Variants in LMX1A observed in about 807,000 individuals in gnomAD.
The protein encoded by LMX1A is LIM homeobox transcription factor 1 alpha.
Under a neutral mutation model 49.1 loss-of-function variants are expected in LMX1A, and 15 were observed. The observed-to-expected ratio is 0.31, with a 90% CI of 0.20 to 0.47. The LOEUF is 0.47. Among genes scored for constraint, LMX1A ranks in the 20% least tolerant of loss-of-function variants. The probability of loss-of-function intolerance (pLI) is 1.00; values close to 1 mark genes in which losing one functional copy is unlikely to be tolerated. For synonymous variants in LMX1A, 167 were observed against 185.7 expected, an observed-to-expected ratio of 0.90 and a Z score of 0.82; for missense variants, 372 against 475.8, an observed-to-expected ratio of 0.78 and a Z score of 2.03.
At chr1:165,307,899 T>C (rs1250423465) in intron 3 of LMX1A, among the ~76,000 whole-genome samples, 1 of 152,210 alleles carries the variant, frequency 6.6e-6, no homozygotes, top group Non-Finnish European at 1.5e-5. Context: ...ATTTTAACTT[T>C]ATTTTTAAAA....
intron 3 of LMX1A, among the ~76,000 whole-genome samples, chr1:165,329,870 C>T (rs1339590375): frequency 2.6e-5 from 4 of 152,194 alleles, no homozygotes; most frequent in Non-Finnish European, 4.4e-5. Flanking sequence ...CCAAGACTGA[C>T]ACATTGTTTG....
At chr1:165,317,090 C>T (rs753513992) in intron 3 of LMX1A, among the ~76,000 whole-genome samples, 10 of 152,194 alleles carry the variant, frequency 6.6e-5, no homozygotes, top group Non-Finnish European at 1.3e-4. Flanking sequence ...CACCACAATA[C>T]CCAGCATGTC....
chr1:165,269,183 C>A (rs1653713429), intron 3 of LMX1A, among the ~76,000 whole-genome samples: 1 of 152,222 alleles, frequency 6.6e-6, no homozygotes, highest in African/African-American at 2.4e-5. Context: ...TTGGAGACTA[C>A]CTCCAGAGGG....
chr1:165,327,558 A>G (rs2101749513), intron 3 of LMX1A, among the ~76,000 whole-genome samples: 1 of 152,342 alleles, frequency 6.6e-6, no homozygotes, highest in Non-Finnish European at 1.5e-5. Flanking sequence ...TCCAGAAAGG[A>G]CACAGACACA....
intron 3 of LMX1A, among the ~76,000 whole-genome samples, chr1:165,330,645 C>T (rs1008345344): frequency 6.6e-6 from 1 of 152,122 alleles, no homozygotes; most frequent in Non-Finnish European, 1.5e-5. Context: ...AGGGAGTCAC[C>T]ACATGGAAGA....
intron 3 of LMX1A, among the ~76,000 whole-genome samples, chr1:165,286,378 GTGGGTCT>G (rs1654305046): frequency 6.6e-6 from 1 of 152,182 alleles, no homozygotes. Flanking sequence ...AAGAGCCAGG[GTGGGTCT>G]GACATGCCAG....
At chr1:165,235,927 C>G (rs953740312) in intron 4 of LMX1A, among the ~76,000 whole-genome samples, 1 of 152,062 alleles carries the variant, frequency 6.6e-6, no homozygotes, top group Admixed American at 6.5e-5. Context: ...TGGCCTCTTG[C>G]ATTTCTAAGG....
intron 3 of LMX1A, among the ~76,000 whole-genome samples, chr1:165,289,244 A>T (rs1191893073): frequency 9.5e-4 from 3 of 3,152 alleles, no homozygotes; most frequent in South Asian, 8.6e-3. Context: ...ATTATTGATA[A>T]AAAAAAAAAA....
At chr1:165,344,390 G>C (rs1204644882) in intron 3 of LMX1A, among the ~76,000 whole-genome samples, 1 of 152,160 alleles carries the variant, frequency 6.6e-6, no homozygotes, top group African/African-American at 2.4e-5. Flanking sequence ...GAAAGAGTGA[G>C]GCGGTAGCCA....
At position 165,355,135 on chromosome 1, in the gene LMX1A, G is replaced by T. The variant is rs1349507935; in HGVS notation, c.76+349C>A. Among the ~76,000 whole-genome samples, 1 of 152,134 alleles carries T rather than the reference G, an allele frequency of 6.6e-6. No homozygotes were observed. The highest frequency in any genetic ancestry group is 1.5e-5 in the Non-Finnish European group (1 of 68,044). The stretch of plus-strand genomic sequence containing the variant: ...TCTCGGATGCTATTGCCTCTAGGCC[G>T]CGAGAAGAGGGCGGCATTTATGAGA... On this transcript the variant is annotated intron_variant, in intron 2 of 8. Transcript: ENST00000342310. The surrounding 1 kb of genome is among the most constrained non-coding windows in gnomAD (Gnocchi z 4.7).
At chr1:165,336,655 C>G (rs1176777324) in intron 3 of LMX1A, among the ~76,000 whole-genome samples, 3 of 152,190 alleles carry the variant, frequency 2.0e-5, no homozygotes, top group Non-Finnish European at 4.4e-5. Context: ...CCGTTGCCAT[C>G]TCAGTACAGG....
chr1:165,336,477 C>G (rs1655902345), intron 3 of LMX1A, among the ~76,000 whole-genome samples: 1 of 152,182 alleles, frequency 6.6e-6, no homozygotes, highest in Non-Finnish European at 1.5e-5. Flanking sequence ...TTACACTTCC[C>G]CTTCCTTTTT....
intron 3 of LMX1A, 75 bp downstream of exon 3, chr1:165,353,001 G>T: frequency 6.8e-7 from 1 of 1,468,924 alleles, no homozygotes. Context: ...AAAGGACTAG[G>T]GTAAAGGAGG....
At chr1:165,248,116 TAAGGGTA>T (rs1652923671) in intron 4 of LMX1A, among the ~76,000 whole-genome samples, 1 of 152,162 alleles carries the variant, frequency 6.6e-6, no homozygotes, top group Non-Finnish European at 1.5e-5. Context: ...TAGGAGAAGT[TAAGGGTA>T]AACTCACCCA....
chr1:165,239,131 G>A (rs4424488), intron 4 of LMX1A, among the ~76,000 whole-genome samples: 27,763 of 152,132 alleles, frequency 0.18, 2,806 homozygotes, highest in African/African-American at 0.26. Flanking sequence ...AGGTGGAGCA[G>A]GAGAAATGAA....
At chr1:165,335,602 A>T (rs1389089420) in intron 3 of LMX1A, among the ~76,000 whole-genome samples, 1 of 152,204 alleles carries the variant, frequency 6.6e-6, no homozygotes, top group Non-Finnish European at 1.5e-5. Flanking sequence ...GTTACCAACA[A>T]ATGATCACAA....
intron 3 of LMX1A, among the ~76,000 whole-genome samples, chr1:165,266,595 CT>C (rs61551654): frequency 0.1 from 7,872 of 78,740 alleles, 87 homozygotes; most frequent in Non-Finnish European, 0.13. Context: ...TTCTTTCTTT[CT>C]TTTTTTTTTT....
At chr1:165,208,178 C>T (rs1167313803) in intron 6 of LMX1A, 46 bp from the exon 7 acceptor site, 1 of 1,577,212 alleles carries the variant, frequency 6.3e-7, no homozygotes, top group Non-Finnish European at 8.7e-7. Context: ...TGGCCTGCAG[C>T]ATGTTCACAA....
At chr1:165,271,196 G>C (rs1653781949) in intron 3 of LMX1A, among the ~76,000 whole-genome samples, 1 of 150,866 alleles carries the variant, frequency 6.6e-6, no homozygotes, top group African/African-American at 2.4e-5. Context: ...GAATTTTTTT[G>C]CTCTGTGAGT....
Sources: allele counts gnomAD v4.1 joint callset (sites outside exome capture counted in the v4.1 genomes callset), GRCh38; gene constraint gnomAD v4.1.1; non-coding constraint Gnocchi (gnomAD v3.1); transcripts MANE v1.5; gene names NCBI Gene and HGNC (gene_info 2026-07-23, HGNC 2026-07-21).